The following GRM3 variants were observed in gnomAD, a reference collection of about 807,000 sequenced individuals.
GRM3 encodes the protein metabotropic glutamate receptor 3.
In GRM3, 26 loss-of-function variants were observed where a neutral mutation model predicts 70.5. The observed-to-expected ratio is 0.37, with a 90% CI of 0.27 to 0.51. The LOEUF is 0.51. Among genes scored for constraint, GRM3 ranks in the 20% least tolerant of loss-of-function variants. The probability of loss-of-function intolerance (pLI) is 0.93; values close to 1 mark genes in which losing one functional copy is unlikely to be tolerated. For synonymous variants in GRM3, 443 were observed against 434.9 expected (o/e 1.02, Z -0.23); for missense variants, 859 against 1,123.8 (o/e 0.76, Z 3.37).
At chr7:86,712,976 T>G (rs1409207914) in intron 1 of GRM3, among the ~76,000 whole-genome samples, 10 of 152,104 alleles carry the variant, frequency 6.6e-5, no homozygotes, top group Non-Finnish European at 2.9e-5. Context: ...ATTTCCTTCC[T>G]TTTGGATATA....
chr7:86,834,609 G>A (rs1297238039), intron 3 of GRM3, among the ~76,000 whole-genome samples: 1 of 142,566 alleles, frequency 7.0e-6, no homozygotes, highest in Non-Finnish European at 1.5e-5. Flanking sequence ...TTATTTTCTG[G>A]TTGTTTTAGT....
chr7:86,659,574 A>T (rs1335904446), intron 1 of GRM3, among the ~76,000 whole-genome samples: 1 of 152,136 alleles, frequency 6.6e-6, no homozygotes, highest in Non-Finnish European at 1.5e-5. Flanking sequence ...ACTATGCAAA[A>T]AACAGTTGGA....
At chr7:86,858,658 G>A (rs572242466) in intron 5 of GRM3, among the ~76,000 whole-genome samples, 2 of 152,312 alleles carry the variant, frequency 1.3e-5, no homozygotes, top group East Asian at 1.9e-4. Flanking sequence ...GTGATATTCT[G>A]TCACAGAAAC....
intron 2 of GRM3, among the ~76,000 whole-genome samples, chr7:86,775,531 CTT>C (rs926853529): frequency 2.0e-5 from 3 of 152,112 alleles, no homozygotes; most frequent in Admixed American, 2.0e-4. Context: ...CACCAACTCT[CTT>C]TTTAAAACAT....
At chr7:86,720,864 G>A (rs953265344) in intron 1 of GRM3, among the ~76,000 whole-genome samples, 13 of 152,072 alleles carry the variant, frequency 8.5e-5, no homozygotes, top group Non-Finnish European at 1.8e-4. Context: ...ACTAGAGATA[G>A]AAAAGTGAGC....
In GRM3 at chr7:86,689,136, A is replaced by G. The variant is rs1584166908; in HGVS notation, c.-141+44264A>G. On this transcript the variant is annotated intron_variant, in intron 1 of 5. Coordinates refer to ENST00000361669, the MANE Select transcript of GRM3 (RefSeq NM_000840.3). ...ATTAAATGATGTTTTGCAAGTTTAAATAGTAAAAATGTATTGTAATAATGT... is the reference window on the plus strand; with the variant it reads ...ATTAAATGATGTTTTGCAAGTTTAAGTAGTAAAAATGTATTGTAATAATGT... 2.0e-5 allele frequency among the ~76,000 whole-genome samples: 3 copies of G among 151,604 alleles called. No individual in the cohort carries two copies. The East Asian group carries it at 5.8e-4, about 29-fold the overall frequency.
intron 3 of GRM3, among the ~76,000 whole-genome samples, chr7:86,796,361 T>A (rs188058562): frequency 3.3e-4 from 50 of 152,312 alleles, no homozygotes; most frequent in Admixed American, 2.7e-3. Context: ...TTCTTAAAGA[T>A]CAGATGATTG....
intron 1 of GRM3, among the ~76,000 whole-genome samples, chr7:86,750,064 C>A (rs1484679847): frequency 1.3e-5 from 2 of 152,014 alleles, no homozygotes; most frequent in East Asian, 3.9e-4. Context: ...GGTTACTTTT[C>A]CCATTCAAGA....
intron 3 of GRM3, among the ~76,000 whole-genome samples, chr7:86,816,836 C>A (rs188262903): frequency 6.6e-6 from 1 of 151,752 alleles, no homozygotes; most frequent in Non-Finnish European, 1.5e-5. Flanking sequence ...GTAAGATTTA[C>A]GAGTCTGTAT....
chr7:86,798,057 A>C (rs2116607314), intron 3 of GRM3, among the ~76,000 whole-genome samples: 1 of 152,344 alleles, frequency 6.6e-6, no homozygotes, highest in East Asian at 1.9e-4. Context: ...GATGTATGGA[A>C]ACACCTGGGT....
At chr7:86,693,737 A>G (rs933123094) in intron 1 of GRM3, among the ~76,000 whole-genome samples, 1 of 151,208 alleles carries the variant, frequency 6.6e-6, no homozygotes, top group African/African-American at 2.5e-5. Flanking sequence ...GCTAGAGCCG[A>G]GCCGCTGTTA....
At chr7:86,822,363 A>G (rs893019409) in intron 3 of GRM3, among the ~76,000 whole-genome samples, 52 of 152,176 alleles carry the variant, frequency 3.4e-4, no homozygotes, top group African/African-American at 1.1e-3. Context: ...TGAGAGAAAG[A>G]TAGTAAATGC....
chr7:86,769,668 G>A (rs139478370), intron 2 of GRM3, among the ~76,000 whole-genome samples: 2 of 152,258 alleles, frequency 1.3e-5, no homozygotes, highest in Non-Finnish European at 2.9e-5. Flanking sequence ...AAAACTGCAT[G>A]GAGGGGAATT....
chr7:86,645,432 C>T (rs553620828), intron 1 of GRM3, among the ~76,000 whole-genome samples: 1 of 152,290 alleles, frequency 6.6e-6, no homozygotes, highest in East Asian at 1.9e-4. Context: ...CCCTTTGCTC[C>T]TTTTGGCTTG....
intron 1 of GRM3, among the ~76,000 whole-genome samples, chr7:86,655,832 G>A (rs144651421): frequency 0.01 from 1,374 of 131,722 alleles, 18 homozygotes; most frequent in African/African-American, 0.041. Context: ...GTGTGTGTGT[G>A]TGTGTGTGTG....
intron 1 of GRM3, among the ~76,000 whole-genome samples, chr7:86,650,288 A>G (rs1793572922): frequency 6.6e-6 from 1 of 152,204 alleles, no homozygotes; most frequent in African/African-American, 2.4e-5. Flanking sequence ...ACTGGAATTC[A>G]AAACCTACTT....
intron 1 of GRM3, among the ~76,000 whole-genome samples, chr7:86,688,298 A>G (rs1275123252): frequency 1.3e-5 from 2 of 151,796 alleles, no homozygotes; most frequent in Non-Finnish European, 3.0e-5. Context: ...AAAAGGATAA[A>G]GACAAAAATA....
chr7:86,716,955 A>G (rs545884734), intron 1 of GRM3, among the ~76,000 whole-genome samples: 14 of 152,064 alleles, frequency 9.2e-5, no homozygotes, highest in Non-Finnish European at 1.6e-4. Context: ...GAGTTGGACT[A>G]CCTGGGTTCA....
chr7:86,831,563 T>C (rs1423439946), intron 3 of GRM3, among the ~76,000 whole-genome samples: 1 of 152,078 alleles, frequency 6.6e-6, no homozygotes, highest in African/African-American at 2.4e-5. Context: ...GGTAGGAGGA[T>C]TGGAATCTCC....
Sources: gnomAD v4.1 joint callset for allele counts (sites outside exome capture counted in the v4.1 genomes callset) on GRCh38, gnomAD v4.1.1 for gene constraint, MANE v1.5 for transcripts, NCBI Gene and HGNC (gene_info 2026-07-23, HGNC 2026-07-21) for gene names.